CACNA1C: variants seen among roughly 807,000 people sequenced by gnomAD.
CACNA1C encodes calcium voltage-gated channel subunit alpha1 C.
In CACNA1C, 30 loss-of-function variants were observed where a neutral mutation model predicts 229.0. The ratio of observed to expected loss-of-function variants is 0.13; its 90% confidence interval spans 0.10 to 0.18. The LOEUF (loss-of-function observed/expected upper bound fraction) is 0.18, where lower values mean the gene tolerates loss of function less well. Ranked by LOEUF, CACNA1C falls within the 10% of genes least tolerant of loss-of-function variation. CACNA1C has a pLI of 1.00. For synonymous variants in CACNA1C, 1,114 were observed against 1,132.5 expected (o/e 0.98, Z 0.33); for missense variants, 1,658 against 2,845.0 (o/e 0.58, Z 9.49).
At chr12:2,422,518 G>A (rs1198754790) in intron 3 of CACNA1C, among the ~76,000 whole-genome samples, 2 of 152,042 alleles carry the variant, frequency 1.3e-5, no homozygotes, top group Non-Finnish European at 2.9e-5. Flanking sequence ...GGTATATCTT[G>A]GATGCCTTGG....
At chr12:2,268,476 G>A (rs1488198652) in intron 3 of CACNA1C, among the ~76,000 whole-genome samples, 2 of 152,218 alleles carry the variant, frequency 1.3e-5, no homozygotes, top group Non-Finnish European at 2.9e-5. Flanking sequence ...TTAAGAAAGG[G>A]AAGTTTTGAA....
chr12:1,993,374 T>A (rs959555244), intron 1 of CACNA1C: 1 of 1,611,936 alleles, frequency 6.2e-7, no homozygotes, highest in Non-Finnish European at 8.5e-7. Flanking sequence ...GGTGAATCCA[T>A]GCTTTGGAGA....
intron 3 of CACNA1C, among the ~76,000 whole-genome samples, chr12:2,298,049 G>A (rs1454446603): frequency 6.6e-6 from 1 of 152,154 alleles, no homozygotes; most frequent in Non-Finnish European, 1.5e-5. Flanking sequence ...ATCACAGAGG[G>A]TCCAGGCAAG....
At chr12:2,387,562 C>A (rs1426924223) in intron 3 of CACNA1C, among the ~76,000 whole-genome samples, 1 of 151,674 alleles carries the variant, frequency 6.6e-6, no homozygotes, top group African/African-American at 2.4e-5. Context: ...AGAAAGAAAG[C>A]AATGACTAAT....
intron 3 of CACNA1C, among the ~76,000 whole-genome samples, chr12:2,180,103 C>T (rs1320891105): frequency 6.6e-6 from 1 of 152,226 alleles, no homozygotes; most frequent in Middle Eastern, 3.2e-3. Context: ...TTCTCGTTCC[C>T]TGTAACCCCA....
intron 3 of CACNA1C, among the ~76,000 whole-genome samples, chr12:2,165,625 C>G (rs766896786): frequency 1.3e-5 from 2 of 152,198 alleles, no homozygotes; most frequent in Non-Finnish European, 2.9e-5. Flanking sequence ...ACAGTGAAAC[C>G]TGGATGAACT....
intron 8 of CACNA1C, among the ~76,000 whole-genome samples, chr12:2,506,774 C>T (rs1481543034): frequency 6.6e-6 from 1 of 152,198 alleles, no homozygotes; most frequent in African/African-American, 2.4e-5. Context: ...TGAACTGCAA[C>T]ACAAGCCACA....
chr12:2,502,197 G>A (rs773135442), intron 7 of CACNA1C, among the ~76,000 whole-genome samples: 19 of 152,306 alleles, frequency 1.2e-4, no homozygotes, highest in Middle Eastern at 3.4e-3. Flanking sequence ...GTCATTTCCT[G>A]TCTCCCCTCC....
At chr12:2,271,314 C>T (rs917361030) in intron 3 of CACNA1C, among the ~76,000 whole-genome samples, 3 of 152,152 alleles carry the variant, frequency 2.0e-5, no homozygotes, top group Non-Finnish European at 4.4e-5. Flanking sequence ...AGCCCCAGAG[C>T]GGGTATTTTC....
At position 2,053,130 on chromosome 12, in the gene CACNA1C, A is replaced by AG. The variant is rs1392920896; in HGVS notation, c.-429dup. The AG allele has an allele frequency of 8.1e-6, 8 of 984,266 alleles. No individual in the cohort carries two copies. In the South Asian group the frequency reaches 2.4e-4, roughly 29 times the overall value. 61.0% of individuals were successfully genotyped at this position (984,266 alleles called of 1,614,324 possible). ...TCCCTTTGACAGCAGAGAGCCGGGC[A>AG]GGGGCCTCAGGAGGACTCGCTGGGA... On this transcript the variant is annotated 5_prime_UTR_variant, in exon 1 of 47. Transcript: ENST00000399655. This position sits in a 1 kb window ranked among gnomAD's most constrained non-coding sequence, Gnocchi z 5.8.
rs786205741 is a variant in CACNA1C, at chr12:2,688,591, G to C, written c.5929G>C (p.Val1977Leu). ...CGTCCCCACCCTGCGGCTTGAGGGG[G>C]TCGAGTCCAGTGAGAAACTCAACAG... ...QPVPTLRLEG[V>L]ESSEKLNSSF... The change falls in exon 46 of 47, where the codon GTC becomes CTC. Residue 1977 changes from valine to leucine, a missense_variant. Physicochemically the swap from Val to Leu is conservative, Grantham distance 32 (BLOSUM62 1). This residue lies in a region of CACNA1C where 590 missense variants were observed against 700.8 expected (regional missense o/e 0.84). Coordinates refer to ENST00000399655, the MANE Select transcript of CACNA1C (RefSeq NM_000719.7). 2 of 1,614,006 alleles carry C rather than the reference G, an allele frequency of 1.2e-6. No homozygotes were observed. The highest frequency in any genetic ancestry group is 1.7e-6 in the Non-Finnish European group (2 of 1,179,906).
chr12:2,559,017 G>A (rs1017047313), intron 11 of CACNA1C, among the ~76,000 whole-genome samples: 2 of 152,086 alleles, frequency 1.3e-5, no homozygotes, highest in African/African-American at 4.8e-5. Flanking sequence ...AGAAGTGGCT[G>A]GTACATAACA....
intron 1 of CACNA1C, among the ~76,000 whole-genome samples, chr12:2,099,061 A>G (rs1222221654): frequency 1.3e-5 from 2 of 152,132 alleles, no homozygotes; most frequent in African/African-American, 4.8e-5. Context: ...CCTGGTTCTG[A>G]GGTTATGTGC....
At chr12:2,592,876 A>G (rs552126516) in intron 18 of CACNA1C, among the ~76,000 whole-genome samples, 1 of 151,982 alleles carries the variant, frequency 6.6e-6, no homozygotes, top group East Asian at 1.9e-4. Flanking sequence ...GCCCTGTCCT[A>G]CCTGGTCACC....
chr12:2,356,853 C>A (rs2097379513), intron 3 of CACNA1C, among the ~76,000 whole-genome samples: 1 of 152,196 alleles, frequency 6.6e-6, no homozygotes, highest in Non-Finnish European at 1.5e-5. Context: ...ACAGATGAGG[C>A]CGCTGGGGCA....
At chr12:2,642,439 G>A (rs532582735) in intron 30 of CACNA1C, among the ~76,000 whole-genome samples, 20 of 152,298 alleles carry the variant, frequency 1.3e-4, no homozygotes, top group African/African-American at 4.8e-4. Flanking sequence ...TCAGCAACCT[G>A]CTGCTGGGGT....
At chr12:2,307,279 GA>G (rs1282893197) in intron 3 of CACNA1C, among the ~76,000 whole-genome samples, 1 of 152,208 alleles carries the variant, frequency 6.6e-6, no homozygotes, top group Non-Finnish European at 1.5e-5. Flanking sequence ...CAGGGTCTGA[GA>G]AAAGTTTCTT....
intron 3 of CACNA1C, among the ~76,000 whole-genome samples, chr12:2,439,782 T>A (rs2099199795): frequency 1.3e-5 from 2 of 152,200 alleles, no homozygotes; most frequent in East Asian, 3.9e-4. Flanking sequence ...TCACCCAGCC[T>A]CAATTGCTGC....
chr12:2,394,852 A>G (rs1022771667), intron 3 of CACNA1C, among the ~76,000 whole-genome samples: 15 of 152,176 alleles, frequency 9.9e-5, no homozygotes, highest in Non-Finnish European at 1.3e-4. Context: ...CCCATCTCTA[A>G]CTTGGCCAGA....
Sources: gnomAD v4.1 joint callset for allele counts (sites outside exome capture counted in the v4.1 genomes callset) on GRCh38, gnomAD v4.1.1 for gene constraint, gnomAD v4.1.1 regional missense constraint, Gnocchi (gnomAD v3.1) non-coding constraint, MANE v1.5 for transcripts, NCBI Gene and HGNC (gene_info 2026-07-23, HGNC 2026-07-21) for gene names.